Variants in GUCY1A2 observed in about 807,000 individuals in gnomAD.
The protein encoded by GUCY1A2 is guanylate cyclase 1 soluble subunit alpha 2, also known as guanylate cyclase soluble subunit alpha-2.
GUCY1A2 carries 27 observed loss-of-function variants against 63.5 expected under a neutral mutation model. The observed-to-expected ratio is 0.43, with a 90% CI of 0.31 to 0.59. The LOEUF (loss-of-function observed/expected upper bound fraction) is 0.59. Among genes scored for constraint, GUCY1A2 ranks in the 20% least tolerant of loss-of-function variants. The probability of loss-of-function intolerance (pLI) is 0.11; values close to 1 mark genes in which losing one functional copy is unlikely to be tolerated. For synonymous variants in GUCY1A2, 364 were observed against 343.5 expected (o/e 1.06, Z -0.66); for missense variants, 768 against 913.3 (o/e 0.84, Z 2.05).
intron 1 of GUCY1A2, among the ~76,000 whole-genome samples, chr11:107,012,488 G>T (rs1192580177): frequency 6.6e-6 from 1 of 152,072 alleles, no homozygotes; most frequent in African/African-American, 2.4e-5. Flanking sequence ...AACCTACAAG[G>T]TAGTTGTTAT....
intron 4 of GUCY1A2, among the ~76,000 whole-genome samples, chr11:106,823,299 T>C (rs1316252309): frequency 6.6e-6 from 1 of 152,184 alleles, no homozygotes; most frequent in Non-Finnish European, 1.5e-5. Context: ...TTTATGTCCA[T>C]GTGTACCCAC....
intron 1 of GUCY1A2, among the ~76,000 whole-genome samples, chr11:107,000,941 T>C (rs1320339474): frequency 1.3e-5 from 2 of 152,184 alleles, no homozygotes; most frequent in East Asian, 3.8e-4. Flanking sequence ...CTGAGAGAAT[T>C]TGGTCAATAC....
chr11:106,795,992 C>G (rs1864751426), intron 5 of GUCY1A2, among the ~76,000 whole-genome samples: 1 of 152,110 alleles, frequency 6.6e-6, no homozygotes, highest in Admixed American at 6.6e-5. Context: ...CTGGGTGCTC[C>G]TGTATTGGGT....
chr11:107,009,281 T>A (rs1861712498), intron 1 of GUCY1A2, among the ~76,000 whole-genome samples: 1 of 152,130 alleles, frequency 6.6e-6, no homozygotes, highest in Admixed American at 6.6e-5. Context: ...AAAAAAAAAA[T>A]TCTGGCATTC....
At chr11:106,849,363 T>C (rs1859320428) in intron 4 of GUCY1A2, among the ~76,000 whole-genome samples, 1 of 149,590 alleles carries the variant, frequency 6.7e-6, no homozygotes, top group African/African-American at 2.4e-5. Context: ...ATATATGTAA[T>C]ATATAAACAT....
At chr11:106,713,433 C>G (rs1456094332) in intron 6 of GUCY1A2, among the ~76,000 whole-genome samples, 1 of 146,832 alleles carries the variant, frequency 6.8e-6, no homozygotes, top group East Asian at 2.1e-4. Context: ...TCCTCTTAAA[C>G]AAACTAAGTG....
intron 6 of GUCY1A2, among the ~76,000 whole-genome samples, chr11:106,717,338 C>T (rs936764417): frequency 1.3e-5 from 2 of 152,090 alleles, no homozygotes; most frequent in Non-Finnish European, 2.9e-5. Context: ...AGTAGACATT[C>T]GAAAAGATCT....
At chr11:106,814,586 A>T (rs1858806320) in intron 4 of GUCY1A2, among the ~76,000 whole-genome samples, 1 of 152,112 alleles carries the variant, frequency 6.6e-6, no homozygotes, top group African/African-American at 2.4e-5. Context: ...CATGGGCTGA[A>T]AAATCCCCTC....
At chr11:106,899,521 CATA>C (rs1860097287) in intron 4 of GUCY1A2, among the ~76,000 whole-genome samples, 1 of 152,150 alleles carries the variant, frequency 6.6e-6, no homozygotes, top group African/African-American at 2.4e-5. Context: ...CCTTTGTCTA[CATA>C]ATATCAGAAC....
chr11:107,015,318 C>G (rs1051632281), intron 1 of GUCY1A2, among the ~76,000 whole-genome samples: 1 of 152,014 alleles, frequency 6.6e-6, no homozygotes, highest in East Asian at 1.9e-4. Context: ...TTTTAAATTG[C>G]TTATTCTGAA....
At chr11:106,766,997 A>C (rs1864175990) in intron 6 of GUCY1A2, among the ~76,000 whole-genome samples, 2 of 152,086 alleles carry the variant, frequency 1.3e-5, no homozygotes, top group African/African-American at 4.8e-5. Context: ...CGAGCTTCCT[A>C]ACTGCTTGGA....
intron 4 of GUCY1A2, among the ~76,000 whole-genome samples, chr11:106,853,389 G>C (rs1199365655): frequency 6.6e-6 from 1 of 151,598 alleles, no homozygotes; most frequent in Non-Finnish European, 1.5e-5. Context: ...GGTTATTTTG[G>C]AAGCTCTATC....
At position 107,017,872 on chromosome 11, in the gene GUCY1A2, T is replaced by C. The variant is rs1038332408; in HGVS notation, c.184A>G (p.Thr62Ala). 1 of 1,248,470 alleles carries C rather than the reference T, an allele frequency of 8.0e-7. No homozygotes were observed. The highest frequency in any genetic ancestry group is 1.0e-6 in the Non-Finnish European group (1 of 995,160). 77.3% of individuals were successfully genotyped at this position (1,248,470 alleles called of 1,614,324 possible). The change falls in exon 1 of 8, where the codon ACC (threonine) becomes GCC (alanine). Residue 62 changes from threonine to alanine, a missense_variant. Around this residue, in one of 3 missense-constraint regions of GUCY1A2, gnomAD observed 496 missense variants for 486.9 expected, o/e 1.02. Transcript: ENST00000526355. ...GCGGCGGCGGCAGAAGCAGCCGGGGTCGGGGCCGGGGCGGCGGCAGCGGCA... is the reference window on the plus strand; with the variant it reads ...GCGGCGGCGGCAGAAGCAGCCGGGGCCGGGGCCGGGGCGGCGGCAGCGGCA... The part of the protein sequence containing the change: ...AAAAAAAPAP[T>A]PAASAAAAAA...
intron 4 of GUCY1A2, among the ~76,000 whole-genome samples, chr11:106,885,538 A>G (rs1472785929): frequency 6.6e-6 from 1 of 152,144 alleles, no homozygotes; most frequent in Non-Finnish European, 1.5e-5. Context: ...ATTATTTTCT[A>G]ATTATCCTCT....
At chr11:106,990,881 A>G (rs1448132854) in intron 1 of GUCY1A2, among the ~76,000 whole-genome samples, 1 of 152,230 alleles carries the variant, frequency 6.6e-6, no homozygotes, top group Non-Finnish European at 1.5e-5. Flanking sequence ...CCACACACAT[A>G]ATTTAAAAAC....
chr11:106,888,905 T>C (rs927770164), intron 4 of GUCY1A2, among the ~76,000 whole-genome samples: 3 of 152,094 alleles, frequency 2.0e-5, no homozygotes, highest in Non-Finnish European at 4.4e-5. Flanking sequence ...GGGAGAGCTA[T>C]AGATAATACA....
At chr11:106,921,999 T>A (rs1860450739) in intron 4 of GUCY1A2, among the ~76,000 whole-genome samples, 1 of 152,156 alleles carries the variant, frequency 6.6e-6, no homozygotes, top group Non-Finnish European at 1.5e-5. Context: ...AAAGTGCACA[T>A]CAGCTCAACC....
At chr11:106,855,606 C>T (rs929884029) in intron 4 of GUCY1A2, among the ~76,000 whole-genome samples, 1 of 152,048 alleles carries the variant, frequency 6.6e-6, no homozygotes, top group African/African-American at 2.4e-5. Flanking sequence ...CTTATTTTTT[C>T]ACATGGAGAT....
In GUCY1A2 at chr11:106,684,694, A is replaced by G. The variant is rs66501904; in HGVS notation, c.*2855T>C. The G allele has an allele frequency of 0.11, 21,799 of 203,308 alleles. 1,517 individuals carry two copies. The highest frequency in any genetic ancestry group is 0.22 in the African/African-American group (9,412 of 43,712). The allele number at this position is 203,308 out of a possible 1,614,324, so 12.6% of individuals were successfully genotyped here. On this transcript the variant is annotated 3_prime_UTR_variant, in exon 8 of 8. Coordinates refer to ENST00000526355, the MANE Select transcript of GUCY1A2 (RefSeq NM_000855.3). Reference sequence around the variant, plus strand: ...ATGCAAGAGCTATAGGTGCCAAATTATATTTTAAAGTATCCCTTGCAGAGT... The same window carrying G: ...ATGCAAGAGCTATAGGTGCCAAATTGTATTTTAAAGTATCCCTTGCAGAGT...
Sources: gnomAD v4.1 joint callset for allele counts (sites outside exome capture counted in the v4.1 genomes callset) on GRCh38, gnomAD v4.1.1 for gene constraint, gnomAD v4.1.1 regional missense constraint, MANE v1.5 for transcripts, NCBI Gene and HGNC (gene_info 2026-07-23, HGNC 2026-07-21) for gene names.